TOP6BL: variants seen among roughly 807,000 people sequenced by gnomAD.
TOP6BL encodes the protein TOP6B like initiator of meiotic double strand breaks, also known as type 2 DNA topoisomerase 6 subunit B-like.
the TOP6BL span, among the ~76,000 whole-genome samples, chr11:66,747,905 C>T: frequency 6.6e-6 from 1 of 152,202 alleles, no homozygotes; most frequent in Non-Finnish European, 1.5e-5. Flanking sequence ...CAGGCATAAG[C>T]TACCGCGCAG....
the TOP6BL span, among the ~76,000 whole-genome samples, chr11:66,831,992 GTC>G: frequency 1.4e-4 from 11 of 78,454 alleles, no homozygotes; most frequent in South Asian, 1.4e-3. Flanking sequence ...GTGAGACTCT[GTC>G]TCAAAAAAAA....
the TOP6BL span, among the ~76,000 whole-genome samples, chr11:66,765,744 A>T: frequency 1.3e-5 from 2 of 152,138 alleles, no homozygotes; most frequent in African/African-American, 4.8e-5. Context: ...TCGAACTCCT[A>T]ACCTCAGGTG....
chr11:66,822,687 T>C, the TOP6BL span: 3 of 1,511,272 alleles, frequency 2.0e-6, no homozygotes, highest in Non-Finnish European at 2.7e-6. Flanking sequence ...TAGTAGGAGA[T>C]TGGGATTGGG....
the TOP6BL span, among the ~76,000 whole-genome samples, chr11:66,772,171 G>A: frequency 6.6e-6 from 1 of 152,160 alleles, no homozygotes. Context: ...AATGTGGCCC[G>A]GCCAGTAAGT....
At chr11:66,760,671 G>A in the TOP6BL span, among the ~76,000 whole-genome samples, 1 of 150,296 alleles carries the variant, frequency 6.7e-6, no homozygotes, top group African/African-American at 2.4e-5. Context: ...AGGGAAGGTG[G>A]TGCACACCTG....
the TOP6BL span, among the ~76,000 whole-genome samples, chr11:66,750,495 C>T: frequency 6.6e-6 from 1 of 151,980 alleles, no homozygotes; most frequent in African/African-American, 2.4e-5. Context: ...TTGCAGTGAG[C>T]CAAGATCGCA....
the TOP6BL span, among the ~76,000 whole-genome samples, chr11:66,824,926 T>TA: frequency 6.6e-6 from 1 of 152,090 alleles, no homozygotes; most frequent in South Asian, 2.1e-4. Context: ...TGTGTCTTTA[T>TA]AGCAGCATGA....
the TOP6BL span, among the ~76,000 whole-genome samples, chr11:66,766,302 GA>G: frequency 2.6e-5 from 4 of 152,014 alleles, no homozygotes; most frequent in Non-Finnish European, 4.4e-5. Flanking sequence ...TCTGGATCTG[GA>G]ATACTTTAGA....
At chr11:66,766,375 C>G in the TOP6BL span, among the ~76,000 whole-genome samples, 3 of 152,152 alleles carry the variant, frequency 2.0e-5, no homozygotes, top group Admixed American at 6.5e-5. Flanking sequence ...GATTAATAAG[C>G]AATGACCATT....
the TOP6BL span, among the ~76,000 whole-genome samples, chr11:66,768,225 T>C: frequency 6.6e-6 from 1 of 152,130 alleles, no homozygotes; most frequent in African/African-American, 2.4e-5. Context: ...CTCACAATGG[T>C]GAACTCTTGA....
chr11:66,825,196 C>T, the TOP6BL span, among the ~76,000 whole-genome samples: 17 of 148,810 alleles, frequency 1.1e-4, no homozygotes, highest in African/African-American at 2.5e-4. Context: ...GGCCCCAGGC[C>T]GGGCGTGGTG....
At chr11:66,831,919 C>G in the TOP6BL span, among the ~76,000 whole-genome samples, 1 of 148,718 alleles carries the variant, frequency 6.7e-6, no homozygotes, top group Non-Finnish European at 1.5e-5. Context: ...ATTGCTTGAA[C>G]CCGGGCGGCA....
chr11:66,787,495 C>T, the TOP6BL span, among the ~76,000 whole-genome samples: 4 of 145,806 alleles, frequency 2.7e-5, no homozygotes, highest in Non-Finnish European at 4.5e-5. Context: ...CACCTAAGAT[C>T]GGGAGTTCGA....
chr11:66,821,297 T>C, the TOP6BL span, among the ~76,000 whole-genome samples: 2 of 151,312 alleles, frequency 1.3e-5, no homozygotes, highest in African/African-American at 2.4e-5. Flanking sequence ...TTTTTTTTTT[T>C]TTTTTTTTGA....
At chr11:66,748,377 A>G in the TOP6BL span, 1 of 1,534,232 alleles carries the variant, frequency 6.5e-7, no homozygotes, top group Non-Finnish European at 8.8e-7. Flanking sequence ...TGCTCTTTTC[A>G]GATTTTGAGA....
At chr11:66,773,096 C>T in the TOP6BL span, among the ~76,000 whole-genome samples, 1 of 152,090 alleles carries the variant, frequency 6.6e-6, no homozygotes, top group African/African-American at 2.4e-5. Flanking sequence ...CTCTTTGAGA[C>T]ATGGTCTCTG....
the TOP6BL span, among the ~76,000 whole-genome samples, chr11:66,830,956 A>T: frequency 2.6e-5 from 4 of 152,208 alleles, no homozygotes; most frequent in Non-Finnish European, 5.9e-5. Flanking sequence ...AATGGACAAA[A>T]TATTTGAACA....
chr11:66,748,515 C>A, the TOP6BL span: 1 of 1,532,924 alleles, frequency 6.5e-7, no homozygotes, highest in Non-Finnish European at 8.8e-7. Flanking sequence ...TGTGTAACAA[C>A]TAGTAAGTAG....
the TOP6BL span, among the ~76,000 whole-genome samples, chr11:66,835,234 C>T: frequency 1.3e-5 from 2 of 151,738 alleles, no homozygotes; most frequent in Non-Finnish European, 2.9e-5. Context: ...TTATCTATGA[C>T]ACGAGATTTT....
Sources: allele counts gnomAD v4.1 joint callset (sites outside exome capture counted in the v4.1 genomes callset), GRCh38; gene constraint gnomAD v4.1.1; transcripts MANE v1.5; gene names NCBI Gene and HGNC (gene_info 2026-07-23, HGNC 2026-07-21).